Variants in EXOC6B observed in about 807,000 individuals in gnomAD.
EXOC6B encodes exocyst complex component 6B, also known as SEC15 homolog B.
In EXOC6B, 54 loss-of-function variants were observed where a neutral mutation model predicts 113.5. The observed-to-expected ratio is 0.48, with a 90% CI of 0.38 to 0.60. EXOC6B has a LOEUF of 0.60. Among genes scored for constraint, EXOC6B ranks in the 20% least tolerant of loss-of-function variants. The pLI, the probability that EXOC6B is intolerant of heterozygous loss-of-function variation, is 0.00. For synonymous variants in EXOC6B, 357 were observed against 339.0 expected (o/e 1.05, Z -0.58); for missense variants, 797 against 977.5 (o/e 0.82, Z 2.46).
intron 6 of EXOC6B, among the ~76,000 whole-genome samples, chr2:72,580,457 A>G (rs1705153265): frequency 6.6e-6 from 1 of 152,064 alleles, no homozygotes; most frequent in African/African-American, 2.4e-5. Context: ...ATCTTGTTTC[A>G]CTATCTACTA....
chr2:72,766,937 G>C (rs1355261621), intron 1 of EXOC6B, among the ~76,000 whole-genome samples: 2 of 142,838 alleles, frequency 1.4e-5, no homozygotes, highest in Non-Finnish European at 3.0e-5. Flanking sequence ...GGGTGACAGA[G>C]TGAGACCCTG....
chr2:72,687,283 GT>G, intron 6 of EXOC6B, among the ~76,000 whole-genome samples: 1 of 152,054 alleles, frequency 6.6e-6, no homozygotes, highest in East Asian at 1.9e-4. Context: ...TATATAAATT[GT>G]TAATGACTGG....
At position 72,183,722 on chromosome 2, in the gene EXOC6B, C is replaced by T. The variant is rs147911910; in HGVS notation, c.2309+353G>A. 4.3e-4 allele frequency among the ~76,000 whole-genome samples: 65 copies of T among 152,170 alleles called. No individual in the cohort carries two copies. In the East Asian group the frequency reaches 0.012, roughly 29 times the overall value. ...ATACCCCAGGTGACTAGGGCAGCCT[C>T]ATTCTGTTCACCAGGCTGGCCTGAG... On this transcript the variant is annotated intron_variant, in intron 21 of 21. Coordinates refer to ENST00000272427, the MANE Select transcript of EXOC6B (RefSeq NM_015189.3).
intron 18 of EXOC6B, among the ~76,000 whole-genome samples, chr2:72,448,856 G>T (rs1696742008): frequency 6.6e-6 from 1 of 152,128 alleles, no homozygotes; most frequent in East Asian, 1.9e-4. Flanking sequence ...GCCCAGTTTT[G>T]GATGAGACAC....
At chr2:72,814,352 C>T (rs374931632) in intron 1 of EXOC6B, among the ~76,000 whole-genome samples, 2 of 152,152 alleles carry the variant, frequency 1.3e-5, no homozygotes, top group Non-Finnish European at 2.9e-5. Context: ...GTTGTCGTTG[C>T]TTTTGTTTTT....
At chr2:72,799,191 G>T (rs1277325663) in intron 1 of EXOC6B, among the ~76,000 whole-genome samples, 2 of 124,942 alleles carry the variant, frequency 1.6e-5, no homozygotes, top group Non-Finnish European at 1.6e-5. Flanking sequence ...AGTGAGCCAA[G>T]ATCTCACCAC....
intron 1 of EXOC6B, among the ~76,000 whole-genome samples, chr2:72,802,708 T>A (rs2105089742): frequency 6.6e-6 from 1 of 152,240 alleles, no homozygotes; most frequent in South Asian, 2.1e-4. Context: ...ATTCCAATAG[T>A]TTTCTCAAAG....
intron 18 of EXOC6B, among the ~76,000 whole-genome samples, chr2:72,428,248 G>A (rs1212408056): frequency 6.6e-6 from 1 of 152,320 alleles, no homozygotes; most frequent in Non-Finnish European, 1.5e-5. Flanking sequence ...CCCCTTGTTC[G>A]CCACGTTCCA....
Position 72,741,301 on chromosome 2 carries a change from T to C in EXOC6B, c.279+3A>G, listed in dbSNP as rs749492700. On this transcript the variant is annotated splice_donor_region_variant and intron_variant, in intron 2 of 21. Coordinates refer to ENST00000272427, the MANE Select transcript of EXOC6B (RefSeq NM_015189.3). ...GAAACAGTATCTCTTAGAGCCTTCT[T>C]ACTTTGAGTTTCTGGGCTTCTCCTC... 28 of 1,611,330 alleles carry C rather than the reference T, an allele frequency of 1.7e-5. No homozygotes were observed. Among genetic ancestry groups the C allele is most frequent in the Non-Finnish European group, 2.4e-5 (28 of 1,179,202 alleles).
chr2:72,326,924 A>G (rs533756449), intron 20 of EXOC6B, among the ~76,000 whole-genome samples: 4 of 152,190 alleles, frequency 2.6e-5, no homozygotes, highest in South Asian at 4.1e-4. Flanking sequence ...ATGGGTTGAA[A>G]GCAACAATGG....
rs770849732 is a variant in EXOC6B at position 72,718,069 on chromosome 2, C to T, written c.669+34G>A. 6.4e-5 allele frequency: 98 copies of T among 1,532,604 alleles called. 4 individuals are homozygous for T. The Middle Eastern group carries it at 0.013, about 209-fold the overall frequency. The allele number at this position is 1,532,604 out of a possible 1,614,324, so 94.9% of individuals were successfully genotyped here. A position where few individuals can be genotyped will look rare whatever the true frequency, so the allele number is the denominator to read the frequency against. On this transcript the variant is annotated intron_variant, in intron 6 of 21. Transcript: ENST00000272427. Reference sequence around the variant, plus strand: ...TGTGTTTAACTCAATACTGATAAAGCCACTGGCCAACCTATCATAAACCCA... The same window carrying T: ...TGTGTTTAACTCAATACTGATAAAGTCACTGGCCAACCTATCATAAACCCA...
At chr2:72,374,884 A>G (rs1691257854) in intron 19 of EXOC6B, among the ~76,000 whole-genome samples, 2 of 151,364 alleles carry the variant, frequency 1.3e-5, no homozygotes, top group African/African-American at 4.9e-5. Context: ...AAAATAAAAG[A>G]TTGTCACACT....
chr2:72,335,226 A>AG (rs1479378936), intron 19 of EXOC6B: 1 of 559,354 alleles, frequency 1.8e-6, no homozygotes, highest in Non-Finnish European at 3.2e-6. Flanking sequence ...CCTGACAGCA[A>AG]GGAAACTGTA....
At chr2:72,295,445 G>A (rs1404018890) in intron 20 of EXOC6B, among the ~76,000 whole-genome samples, 2 of 152,136 alleles carry the variant, frequency 1.3e-5, no homozygotes, top group African/African-American at 4.8e-5. Flanking sequence ...TGTAGAGCAG[G>A]GAGTGGTAAA....
intron 6 of EXOC6B, among the ~76,000 whole-genome samples, chr2:72,613,490 C>T (rs753201112): frequency 6.6e-6 from 1 of 151,682 alleles, no homozygotes; most frequent in Non-Finnish European, 1.5e-5. Context: ...AACAAAAATA[C>T]AGAACAAAAA....
chr2:72,326,360 C>A (rs1170776430), intron 20 of EXOC6B, among the ~76,000 whole-genome samples: 1 of 152,070 alleles, frequency 6.6e-6, no homozygotes, highest in Admixed American at 6.6e-5. Context: ...GTTCCTCAGG[C>A]TTGGTTTGTT....
chr2:72,576,385 A>C (rs1704855526), intron 6 of EXOC6B, among the ~76,000 whole-genome samples: 1 of 152,102 alleles, frequency 6.6e-6, no homozygotes, highest in Non-Finnish European at 1.5e-5. Flanking sequence ...GTTTCAATAG[A>C]TACAGAGAAG....
chr2:72,402,672 T>A (rs966562175), intron 18 of EXOC6B, among the ~76,000 whole-genome samples: 1 of 152,206 alleles, frequency 6.6e-6, no homozygotes, highest in African/African-American at 2.4e-5. Context: ...CTACTTCGAA[T>A]AGGCCATACT....
intron 18 of EXOC6B, among the ~76,000 whole-genome samples, chr2:72,409,062 G>A (rs903194331): frequency 2.3e-4 from 35 of 152,184 alleles, no homozygotes; most frequent in Non-Finnish European, 4.6e-4. Context: ...CAAAGGATAT[G>A]AACAGACACT....
Sources: gnomAD v4.1 joint callset for allele counts (sites outside exome capture counted in the v4.1 genomes callset) on GRCh38, gnomAD v4.1.1 for gene constraint, MANE v1.5 for transcripts, NCBI Gene and HGNC (gene_info 2026-07-23, HGNC 2026-07-21) for gene names.